GPBP1L1: variants seen among roughly 807,000 people sequenced by gnomAD.
GPBP1L1 encodes GC-rich promoter binding protein 1 like 1.
GPBP1L1 carries 23 observed loss-of-function variants against 52.5 expected under a neutral mutation model. The ratio of observed to expected loss-of-function variants is 0.44; its 90% CI spans 0.32 to 0.62. The LOEUF (loss-of-function observed/expected upper bound fraction) is 0.62. Ranked by LOEUF, GPBP1L1 falls within the 20% of genes least tolerant of loss-of-function variation. The pLI is 0.06. For synonymous variants in GPBP1L1, 243 were observed against 203.1 expected, an observed-to-expected ratio of 1.20 and a Z score of -1.67; for missense variants, 596 against 579.3, an observed-to-expected ratio of 1.03 and a Z score of -0.30.
chr1:45,639,750 G>T (rs889048813), intron 8 of GPBP1L1, among the ~76,000 whole-genome samples: 1 of 151,848 alleles, frequency 6.6e-6, no homozygotes, highest in Non-Finnish European at 1.5e-5. Flanking sequence ...GTGTGGTGGC[G>T]GGCGCCTGTA....
intron 6 of GPBP1L1, chr1:45,645,999 C>G (rs2148451420): frequency 2.0e-6 from 1 of 507,376 alleles, no homozygotes; most frequent in South Asian, 1.4e-5. Context: ...CTTGTTTAGC[C>G]TGCCTGTGAG....
upstream of GPBP1L1, chr1:45,687,605 G>A (rs1456234632): frequency 6.6e-6 from 1 of 152,272 alleles, no homozygotes; most frequent in Non-Finnish European, 1.5e-5. Flanking sequence ...AGGTCACATA[G>A]CCGAGAAATA....
chr1:45,634,022 A>G, intron 9 of GPBP1L1, 74 bp downstream of exon 9: 3 of 1,397,784 alleles, frequency 2.1e-6, no homozygotes, highest in Non-Finnish European at 3.0e-6. Context: ...ACAGCTATAC[A>G]TATTACACTT....
chr1:45,664,964 C>T (rs1644992257), intron 2 of GPBP1L1, among the ~76,000 whole-genome samples: 1 of 151,996 alleles, frequency 6.6e-6, no homozygotes, highest in Non-Finnish European at 1.5e-5. Flanking sequence ...AGGTGTGAGC[C>T]ACTGCACCTG....
chr1:45,628,770 T>G (rs1644491243), intron 12 of GPBP1L1, among the ~76,000 whole-genome samples: 2 of 152,174 alleles, frequency 1.3e-5, no homozygotes, highest in African/African-American at 4.8e-5. Flanking sequence ...TTCAAGCGAT[T>G]CTCCTGCCTC....
intron 8 of GPBP1L1, among the ~76,000 whole-genome samples, chr1:45,638,084 C>T (rs1644619213): frequency 6.6e-6 from 1 of 152,200 alleles, no homozygotes; most frequent in Admixed American, 6.5e-5. Context: ...TTCCCTTCTA[C>T]ATCAGAGGAA....
chr1:45,661,434 A>C (rs1033448117), intron 2 of GPBP1L1, among the ~76,000 whole-genome samples: 1 of 152,068 alleles, frequency 6.6e-6, no homozygotes, highest in African/African-American at 2.4e-5. Flanking sequence ...GATTTGAGAA[A>C]AGTCATCTAA....
upstream of GPBP1L1, chr1:45,687,527 AAGGG>A (rs1283243017): frequency 1.3e-5 from 2 of 152,266 alleles, no homozygotes; most frequent in Non-Finnish European, 2.9e-5. Flanking sequence ...ATAGACACGG[AAGGG>A]CACTAAAATT....
rs187693099 is a variant in GPBP1L1, at chr1:45,642,912, A to G, written c.478-413T>C. ...GTATAGTATTCACTGCATTTCTAAG[A>G]TGGGTGTAGGGCAGGGGCAGACCAT... On this transcript the variant is annotated intron_variant, in intron 6 of 12. Coordinates refer to ENST00000355105, the MANE Select transcript of GPBP1L1 (RefSeq NM_021639.5). 9.3e-4 allele frequency among the ~76,000 whole-genome samples: 142 copies of G among 152,338 alleles called. 1 individual carries two copies. The highest frequency in any genetic ancestry group is 3.3e-3 in the African/African-American group (139 of 41,574).
intron 6 of GPBP1L1, chr1:45,645,783 G>A: frequency 6.5e-6 from 1 of 154,496 alleles, no homozygotes; most frequent in Non-Finnish European, 1.2e-5. Flanking sequence ...TTTTTTTTTT[G>A]AGGCATTTTA....
chr1:45,658,710 A>C (rs946021681), intron 4 of GPBP1L1: 10 of 316,490 alleles, frequency 3.2e-5, no homozygotes, highest in Non-Finnish European at 5.2e-5. Context: ...TAGGCGGATC[A>C]CTTGAGCTTA....
intron 6 of GPBP1L1, among the ~76,000 whole-genome samples, chr1:45,647,463 C>T (rs933114998): frequency 2.6e-5 from 4 of 152,292 alleles, no homozygotes; most frequent in Non-Finnish European, 4.4e-5. Flanking sequence ...TGCTGGTTAC[C>T]GCTTCTTAGT....
intron 8 of GPBP1L1, among the ~76,000 whole-genome samples, chr1:45,639,312 C>T (rs2148435587): frequency 6.6e-6 from 1 of 152,204 alleles, no homozygotes; most frequent in Non-Finnish European, 1.5e-5. Flanking sequence ...TGAACAAGGA[C>T]AGCATAGAGA....
intron 11 of GPBP1L1, 41 bp from the exon 12 acceptor site, chr1:45,629,719 A>G: frequency 7.7e-7 from 1 of 1,290,650 alleles, no homozygotes; most frequent in Non-Finnish European, 1.1e-6. Flanking sequence ...ATACAACATC[A>G]CTAAGCCTAA....
At chr1:45,666,342 C>T (rs996019856) in intron 2 of GPBP1L1, among the ~76,000 whole-genome samples, 2 of 152,270 alleles carry the variant, frequency 1.3e-5, no homozygotes, top group African/African-American at 4.8e-5. Context: ...GACGGGGTTT[C>T]ACCATATTGG....
chr1:45,631,056 A>G (rs971530215), intron 10 of GPBP1L1, among the ~76,000 whole-genome samples: 6 of 151,672 alleles, frequency 4.0e-5, no homozygotes, highest in Admixed American at 1.3e-4. Context: ...AGTCTTTTCA[A>G]CAAATGGTGA....
intron 2 of GPBP1L1, among the ~76,000 whole-genome samples, chr1:45,671,941 G>A (rs919484757): frequency 1.3e-5 from 2 of 152,172 alleles, no homozygotes; most frequent in Non-Finnish European, 2.9e-5. Context: ...CAAAATGGGA[G>A]AACTGACATC....
chr1:45,657,408 C>A (rs963020072), intron 4 of GPBP1L1, among the ~76,000 whole-genome samples: 1 of 152,016 alleles, frequency 6.6e-6, no homozygotes, highest in African/African-American at 2.4e-5. Context: ...TGGTACTGTG[C>A]GCCTGTAATC....
At chr1:45,633,804 G>A (rs1644561186) in intron 9 of GPBP1L1, 157 bp from the exon 10 acceptor site, 1 of 817,980 alleles carries the variant, frequency 1.2e-6, no homozygotes. Context: ...CTTCAGTTTT[G>A]CAGGGTTTAT....
Sources: gnomAD v4.1 joint callset for allele counts (sites outside exome capture counted in the v4.1 genomes callset) on GRCh38, gnomAD v4.1.1 for gene constraint, MANE v1.5 for transcripts, NCBI Gene and HGNC (gene_info 2026-07-23, HGNC 2026-07-21) for gene names.